PRPSAP2: variants seen among roughly 807,000 people sequenced by gnomAD.
PRPSAP2 encodes the protein phosphoribosyl pyrophosphate synthetase associated protein 2.
Under a neutral mutation model 40.6 loss-of-function variants are expected in PRPSAP2, and 24 were observed. That is an observed-to-expected ratio of 0.59 (90% CI 0.43 to 0.83). The LOEUF is 0.83. Among genes scored for constraint, PRPSAP2 ranks in the 40% least tolerant of loss-of-function variants. PRPSAP2 has a pLI of 0.00. For missense variants in PRPSAP2, 292 were observed against 465.6 expected (o/e 0.63, Z 3.43); for synonymous variants, 149 against 164.7 (o/e 0.90, Z 0.73).
At chr17:18,918,985 C>T (rs375367283) in intron 9 of PRPSAP2, among the ~76,000 whole-genome samples, 22 of 152,194 alleles carry the variant, frequency 1.4e-4, no homozygotes, top group African/African-American at 5.1e-4. Flanking sequence ...GCATATGTGG[C>T]TTTCATTTCT....
intron 9 of PRPSAP2, among the ~76,000 whole-genome samples, chr17:18,921,668 G>A (rs992578388): frequency 1.3e-5 from 2 of 152,150 alleles, no homozygotes; most frequent in African/African-American, 2.4e-5. Flanking sequence ...GGCATCTAGT[G>A]AGTAGAGGCC....
intron 7 of PRPSAP2, among the ~76,000 whole-genome samples, chr17:18,886,045 C>T (rs2039119600): frequency 1.3e-5 from 2 of 152,072 alleles, no homozygotes; most frequent in South Asian, 2.1e-4. Flanking sequence ...TTATAGTATA[C>T]GTATCTTGTC....
rs60892883 is a variant in PRPSAP2 at position 18,914,249 on chromosome 17, C to CTT, written c.733+3023_733+3024dup. ...GAGTTCTGTCCTGAACATGTTTTTG[C>CTT]TTTTTTTTTTTTTTTTTTTTTTTTT... On this transcript the variant is annotated intron_variant, in intron 9 of 11. Transcript: ENST00000268835. 3.7e-4 allele frequency among the ~76,000 whole-genome samples: 18 copies of CTT among 48,092 alleles called. 3 individuals carry two copies. The highest frequency in any genetic ancestry group is 5.5e-4 in the Non-Finnish European group (16 of 29,030). The allele number at this position is 48,092 out of a possible 152,430, so 31.6% of individuals were successfully genotyped here.
chr17:18,916,439 G>A (rs944372728), intron 9 of PRPSAP2, among the ~76,000 whole-genome samples: 20 of 149,080 alleles, frequency 1.3e-4, no homozygotes, highest in Admixed American at 2.0e-4. Context: ...GCAATGACAC[G>A]ATCTTGGCTC....
chr17:18,922,972 C>A (rs2041774495), intron 9 of PRPSAP2, among the ~76,000 whole-genome samples: 1 of 151,790 alleles, frequency 6.6e-6, no homozygotes, highest in African/African-American at 2.4e-5. Flanking sequence ...AGCCACCATG[C>A]CCAGCCTACT....
intron 8 of PRPSAP2, among the ~76,000 whole-genome samples, chr17:18,893,552 T>C (rs1567710585): frequency 1.3e-5 from 2 of 151,542 alleles, no homozygotes; most frequent in Admixed American, 6.6e-5. Context: ...CCCAGGAATT[T>C]GAGACCAGCC....
intron 9 of PRPSAP2, among the ~76,000 whole-genome samples, chr17:18,917,900 A>T (rs2041462602): frequency 6.6e-6 from 1 of 151,704 alleles, no homozygotes; most frequent in African/African-American, 2.4e-5. Context: ...CAGGGAGGAG[A>T]TTTATCACAG....
At position 18,880,134 on chromosome 17, in the gene PRPSAP2, C is replaced by T. The variant is rs553466970; in HGVS notation, c.412+2264C>T. On this transcript the variant is annotated intron_variant, in intron 6 of 11. Coordinates refer to ENST00000268835, the MANE Select transcript of PRPSAP2 (RefSeq NM_002767.4). ...ATAAAATTAAAAACTCAACCCGAAG[C>T]AACCTCAGGAGCCTACCCCATTGTA... 2.6e-5 allele frequency among the ~76,000 whole-genome samples: 4 copies of T among 152,176 alleles called. No individual in the cohort carries two copies. The East Asian group carries it at 7.7e-4, about 29-fold the overall frequency.
chr17:18,868,991 C>T (rs2037643247), intron 4 of PRPSAP2, among the ~76,000 whole-genome samples: 1 of 152,068 alleles, frequency 6.6e-6, no homozygotes, highest in African/African-American at 2.4e-5. Context: ...CCCTATGTGG[C>T]GTCAGTAGGG....
chr17:18,885,731 G>A (rs997552530), intron 7 of PRPSAP2, among the ~76,000 whole-genome samples: 2 of 152,078 alleles, frequency 1.3e-5, no homozygotes, highest in African/African-American at 4.8e-5. Context: ...GGGGTTACAG[G>A]CATGTGCCAC....
At chr17:18,863,364 T>C (rs1425243410) in intron 1 of PRPSAP2, among the ~76,000 whole-genome samples, 3 of 152,056 alleles carry the variant, frequency 2.0e-5, no homozygotes, top group African/African-American at 7.2e-5. Flanking sequence ...GTGCTGGGAT[T>C]AGCGGTGTGA....
At chr17:18,874,902 C>G (rs1354232671) in intron 5 of PRPSAP2, among the ~76,000 whole-genome samples, 3 of 152,174 alleles carry the variant, frequency 2.0e-5, no homozygotes, top group Non-Finnish European at 2.9e-5. Flanking sequence ...TCCTTACAGA[C>G]AAGTGTGATT....
At chr17:18,903,243 C>G (rs868195287) in intron 8 of PRPSAP2, among the ~76,000 whole-genome samples, 1 of 151,422 alleles carries the variant, frequency 6.6e-6, no homozygotes, top group African/African-American at 2.4e-5. Context: ...ACCCGGGAGG[C>G]GGAGGTTGCG....
intron 8 of PRPSAP2, among the ~76,000 whole-genome samples, chr17:18,903,298 G>A (rs566476266): frequency 3.7e-4 from 56 of 151,468 alleles, no homozygotes; most frequent in African/African-American, 1.2e-3. Flanking sequence ...GGCAACAAGA[G>A]CAAAACTCCA....
At chr17:18,914,313 A>G (rs1217060462) in intron 9 of PRPSAP2, among the ~76,000 whole-genome samples, 1 of 118,124 alleles carries the variant, frequency 8.5e-6, no homozygotes, top group Admixed American at 1.2e-4. Context: ...GCTGGAGTAC[A>G]GTGGTGCGAT....
intron 8 of PRPSAP2, chr17:18,908,222 C>T (rs1182340699): frequency 4.3e-6 from 3 of 699,912 alleles, no homozygotes; most frequent in African/African-American, 1.8e-5. Context: ...GAGCCAGCGA[C>T]GGGAGGCCTT....
At chr17:18,865,118 T>G (rs2037340155) in intron 1 of PRPSAP2, among the ~76,000 whole-genome samples, 1 of 152,208 alleles carries the variant, frequency 6.6e-6, no homozygotes, top group Non-Finnish European at 1.5e-5. Context: ...GTGCTAGGAT[T>G]ACAGGCGTGA....
At chr17:18,905,280 C>T (rs2040514297) in intron 8 of PRPSAP2, among the ~76,000 whole-genome samples, 3 of 152,174 alleles carry the variant, frequency 2.0e-5, no homozygotes, top group African/African-American at 4.8e-5. Flanking sequence ...CCTGCCTTGG[C>T]CTCCCAAAGT....
chr17:18,929,036 A>G, intron 11 of PRPSAP2, 79 bp downstream of exon 11: 19 of 1,533,396 alleles, frequency 1.2e-5, no homozygotes, highest in South Asian at 2.5e-5. Context: ...GAGAGTCAGG[A>G]CAAGACTGAG....
Sources: allele counts gnomAD v4.1 joint callset (sites outside exome capture counted in the v4.1 genomes callset), GRCh38; gene constraint gnomAD v4.1.1; transcripts MANE v1.5; gene names NCBI Gene and HGNC (gene_info 2026-07-23, HGNC 2026-07-21).